Variants in ZNF385D observed in about 807,000 individuals in gnomAD.
ZNF385D encodes zinc finger protein 659.
A neutral mutation model predicts 35.8 loss-of-function variants in ZNF385D; 15 were observed. The observed-to-expected ratio is 0.42, with a 90% CI of 0.28 to 0.64. ZNF385D has a LOEUF of 0.64. Ranked by LOEUF, ZNF385D falls within the 30% of genes least tolerant of loss-of-function variation. ZNF385D has a pLI of 0.23. For synonymous variants in ZNF385D, 212 were observed against 186.8 expected, an observed-to-expected ratio of 1.13 and a Z score of -1.10; for missense variants, 474 against 494.6, an observed-to-expected ratio of 0.96 and a Z score of 0.39.
At chr3:22,150,982 G>A (rs1705190155) in intron 3 of ZNF385D, among the ~76,000 whole-genome samples, 1 of 152,114 alleles carries the variant, frequency 6.6e-6, no homozygotes, top group African/African-American at 2.4e-5. Flanking sequence ...CCAAGACCCA[G>A]CCCACATGGA....
intron 4 of ZNF385D, among the ~76,000 whole-genome samples, chr3:21,473,644 C>T (rs530720990): frequency 6.6e-6 from 1 of 152,128 alleles, no homozygotes; most frequent in South Asian, 2.1e-4. Context: ...ATTCTAAACC[C>T]TGTTGTTCAA....
At chr3:21,571,798 A>G (rs1559418539) in intron 2 of ZNF385D, among the ~76,000 whole-genome samples, 3 of 152,154 alleles carry the variant, frequency 2.0e-5, no homozygotes, top group Non-Finnish European at 4.4e-5. Flanking sequence ...ATTTTATTGT[A>G]AAGGACACGA....
intron 3 of ZNF385D, among the ~76,000 whole-genome samples, chr3:21,979,278 G>A (rs1163508528): frequency 6.6e-6 from 1 of 152,118 alleles, no homozygotes; most frequent in Non-Finnish European, 1.5e-5. Flanking sequence ...ACAAAATTCT[G>A]TGCTATTATA....
rs376799573 is a variant in ZNF385D at position 22,039,255 on chromosome 3, C to CAAAAAA, written c.325+129556_325+129561dup. On this transcript the variant is annotated intron_variant, in intron 3 of 5. Coordinates refer to the ZNF385D transcript ENST00000494108. ...CTGTTGATTTGGCTATAATCCAAGCCAAAAAAAAAAAAAAAAAAGAGTCTA... is the reference window on the plus strand; with the variant it reads ...CTGTTGATTTGGCTATAATCCAAGCCAAAAAAAAAAAAAAAAAAAAAAAAGAGTCTA... Among the ~76,000 whole-genome samples, 3 of 104,104 alleles carry CAAAAAA rather than the reference C, an allele frequency of 2.9e-5. 1 individual carries two copies. The highest frequency in any genetic ancestry group is 3.8e-5 in the Non-Finnish European group (2 of 53,274). 68.3% of individuals were successfully genotyped at this position (104,104 alleles called of 152,430 possible).
intron 1 of ZNF385D, among the ~76,000 whole-genome samples, chr3:21,748,085 G>A (rs992597157): frequency 4.6e-5 from 7 of 152,068 alleles, no homozygotes; most frequent in East Asian, 1.9e-4. Flanking sequence ...AAGTGTCCAC[G>A]GTGACTGAAC....
At chr3:21,424,085 T>A in intron 6 of ZNF385D, 21 bp from the exon 7 acceptor site, 1 of 1,542,986 alleles carries the variant, frequency 6.5e-7, no homozygotes, top group Non-Finnish European at 8.7e-7. Context: ...TAATTTAAAA[T>A]GACAGCTTTA....
intron 3 of ZNF385D, among the ~76,000 whole-genome samples, chr3:22,019,313 G>T (rs1225688053): frequency 2.0e-5 from 3 of 151,632 alleles, no homozygotes; most frequent in Admixed American, 6.6e-5. Flanking sequence ...ATACTTTCAT[G>T]TATTTTTATC....
intron 3 of ZNF385D, among the ~76,000 whole-genome samples, chr3:21,558,213 C>T (rs540438377): frequency 4.0e-5 from 6 of 149,124 alleles, no homozygotes; most frequent in Middle Eastern, 3.6e-3. Flanking sequence ...AATTTGTTTG[C>T]TCTTGCTTCT....
chr3:22,112,971 T>C, intron 3 of ZNF385D, among the ~76,000 whole-genome samples: 1 of 152,094 alleles, frequency 6.6e-6, no homozygotes, highest in East Asian at 1.9e-4. Context: ...TATAGAACTT[T>C]AGTCTCTTCT....
chr3:22,169,184 A>G (rs1167500858), intron 2 of ZNF385D: 1 of 193,872 alleles, frequency 5.2e-6, no homozygotes, highest in Non-Finnish European at 9.4e-6. Flanking sequence ...CTTTCACACT[A>G]TGCTAAAGTA....
At chr3:21,774,777 G>A (rs557154444) in intron 3 of ZNF385D, among the ~76,000 whole-genome samples, 2 of 151,996 alleles carry the variant, frequency 1.3e-5, no homozygotes, top group African/African-American at 4.8e-5. Context: ...ACTGAAATGG[G>A]TACTTAGAGA....
chr3:22,096,633 T>C (rs1412615952), intron 3 of ZNF385D, among the ~76,000 whole-genome samples: 2 of 152,040 alleles, frequency 1.3e-5, no homozygotes, highest in Non-Finnish European at 2.9e-5. Context: ...ACCTATAGTT[T>C]GCCTGCAATA....
intron 1 of ZNF385D, among the ~76,000 whole-genome samples, chr3:21,708,813 C>G (rs2067997451): frequency 6.6e-6 from 1 of 151,846 alleles, no homozygotes; most frequent in Non-Finnish European, 1.5e-5. Context: ...CTTTCTAAAT[C>G]TGTTTAATTA....
chr3:21,458,887 G>C (rs1389092762), intron 4 of ZNF385D, among the ~76,000 whole-genome samples: 1 of 152,076 alleles, frequency 6.6e-6, no homozygotes, highest in Non-Finnish European at 1.5e-5. Flanking sequence ...GATGTACAAA[G>C]TTCTGAATAT....
chr3:21,978,087 T>A (rs773504114), intron 3 of ZNF385D: 5 of 151,936 alleles, frequency 3.3e-5, no homozygotes, highest in Non-Finnish European at 7.4e-5. Context: ...CTCTTCCAGA[T>A]AGAGAAATAC....
At chr3:21,730,350 T>C (rs192558829) in intron 1 of ZNF385D, among the ~76,000 whole-genome samples, 2 of 152,352 alleles carry the variant, frequency 1.3e-5, no homozygotes, top group South Asian at 2.1e-4. Context: ...CTCTCCAACA[T>C]TGTCTGGGCA....
At chr3:22,186,825 G>T (rs1024591349) in intron 2 of ZNF385D, among the ~76,000 whole-genome samples, 1 of 151,972 alleles carries the variant, frequency 6.6e-6, no homozygotes, top group East Asian at 1.9e-4. Context: ...TAATCAACTG[G>T]TATTTTATGA....
At chr3:22,308,473 G>C (rs1703356740) in intron 2 of ZNF385D, among the ~76,000 whole-genome samples, 1 of 151,874 alleles carries the variant, frequency 6.6e-6, no homozygotes, top group African/African-American at 2.4e-5. Flanking sequence ...GAGAAAGACA[G>C]AGAGAAGGAC....
chr3:22,109,991 A>G (rs1226327831), intron 3 of ZNF385D, among the ~76,000 whole-genome samples: 1 of 152,270 alleles, frequency 6.6e-6, no homozygotes, highest in African/African-American at 2.4e-5. Context: ...ATGAACAGAC[A>G]CCTCTCAAAA....
Sources: gnomAD v4.1 joint callset for allele counts (sites outside exome capture counted in the v4.1 genomes callset) on GRCh38, gnomAD v4.1.1 for gene constraint, MANE v1.5 for transcripts, NCBI Gene and HGNC (gene_info 2026-07-23, HGNC 2026-07-21) for gene names.